Variants in ATP11A observed in about 807,000 individuals in gnomAD.
ATP11A encodes the protein ATPase phospholipid transporting 11A, also known as phospholipid-transporting ATPase IH.
Under a neutral mutation model 154.4 loss-of-function variants are expected in ATP11A, and 81 were observed. That is an observed-to-expected ratio of 0.52 (90% CI 0.44 to 0.63). The LOEUF (loss-of-function observed/expected upper bound fraction) is 0.63, where lower values mean the gene tolerates loss of function less well. Among genes scored for constraint, ATP11A ranks in the 30% least tolerant of loss-of-function variants. The probability of loss-of-function intolerance (pLI) is 0.00; values close to 1 mark genes in which losing one functional copy is unlikely to be tolerated. For missense variants in ATP11A, 1,316 were observed against 1,474.3 expected (o/e 0.89, Z 1.76); for synonymous variants, 623 against 585.9 (o/e 1.06, Z -0.91).
intron 19 of ATP11A, among the ~76,000 whole-genome samples, 170 bp downstream of exon 19, chr13:112,854,700 C>T (rs1480546267): frequency 6.6e-6 from 1 of 152,214 alleles, no homozygotes; most frequent in Non-Finnish European, 1.5e-5. Flanking sequence ...GGGAACAAAA[C>T]GGGCTGTTTT....
intron 1 of ATP11A, among the ~76,000 whole-genome samples, chr13:112,731,785 C>T (rs185560863): frequency 6.6e-6 from 1 of 152,220 alleles, no homozygotes; most frequent in East Asian, 1.9e-4. Flanking sequence ...ACATCCTATC[C>T]TTCAAAAAAT....
intron 25 of ATP11A, among the ~76,000 whole-genome samples, chr13:112,863,621 C>G (rs1228148126): frequency 5.4e-5 from 8 of 148,404 alleles, no homozygotes; most frequent in South Asian, 2.2e-4. Flanking sequence ...CCATCACCAC[C>G]TGCACAGTAA....
chr13:112,709,977 A>G (rs60488617), intron 1 of ATP11A, among the ~76,000 whole-genome samples: 9,896 of 152,334 alleles, frequency 0.065, 1,150 homozygotes, highest in African/African-American at 0.23. Flanking sequence ...GATGCTGCCC[A>G]CATCCCACAG....
intron 1 of ATP11A, among the ~76,000 whole-genome samples, chr13:112,707,460 G>A (rs889597163): frequency 1.3e-5 from 2 of 151,128 alleles, no homozygotes; most frequent in African/African-American, 4.9e-5. Context: ...CAGAGGAGAC[G>A]AGGGCCTTGA....
At position 112,854,439 on chromosome 13, in the gene ATP11A, A is replaced by G. The variant is rs1478770037; in HGVS notation, c.2152A>G (p.Ile718Val). The change falls in exon 19 of 30, where the codon ATC (isoleucine) becomes GTC (valine). Residue 718 changes from isoleucine to valine, a missense_variant. Physicochemically the swap from Ile to Val is conservative, Grantham distance 29 (BLOSUM62 3). Around this residue, in one of 5 missense-constraint regions of ATP11A, gnomAD observed 876 missense variants for 1,006.8 expected, o/e 0.87. Coordinates refer to ENST00000375645, the MANE Select transcript of ATP11A (RefSeq NM_015205.3). ...GCTGCTGGAGCTGACCACCAAGAGG[A>G]TCGAGGAGCAGAGCCTGCACGACGT... ...TQLLELTTKR[I>V]EEQSLHDVLF... 5 of 1,612,906 alleles carry G rather than the reference A, an allele frequency of 3.1e-6. No individual in the cohort carries two copies. The highest frequency in any genetic ancestry group is 4.2e-6 in the Non-Finnish European group (5 of 1,179,998).
intron 10 of ATP11A, among the ~76,000 whole-genome samples, chr13:112,825,214 C>T (rs1371008395): frequency 3.3e-5 from 5 of 152,310 alleles, no homozygotes; most frequent in South Asian, 2.1e-4. Flanking sequence ...CACTTTACCC[C>T]GTCTTGGTTC....
At chr13:112,827,091 C>T (rs1255901199) in intron 12 of ATP11A, among the ~76,000 whole-genome samples, 200 bp downstream of exon 12, 1 of 152,240 alleles carries the variant, frequency 6.6e-6, no homozygotes, top group Admixed American at 6.5e-5. Flanking sequence ...ATTACCTGCA[C>T]TTGCTGACTC....
chr13:112,809,272 ATGCCACAGT>A (rs2078417809), intron 4 of ATP11A, among the ~76,000 whole-genome samples: 1 of 152,240 alleles, frequency 6.6e-6, no homozygotes, highest in Non-Finnish European at 1.5e-5. Context: ...AAGCAATCAG[ATGCCACAGT>A]GTCACTTATT....
chr13:112,882,514 A>C lies in ATP11A; in HGVS notation c.*648A>C, dbSNP rs1297012959. ...CTGTGGGAAGGGCCGGGTCACTCGG[A>C]TACCATCATCCCTGCGGATGCACCG... On this transcript the variant is annotated 3_prime_UTR_variant, in exon 30 of 30. Coordinates refer to ENST00000375645, the MANE Select transcript of ATP11A (RefSeq NM_015205.3). This position sits in a 1 kb window ranked among gnomAD's most constrained non-coding sequence, Gnocchi z 5.1. 2.2e-6 allele frequency: 1 copy of C among 460,028 alleles called. No homozygotes were observed. Among genetic ancestry groups the C allele is most frequent in the South Asian group, 6.3e-5 (1 of 15,990 alleles). 28.5% of individuals were successfully genotyped at this position (460,028 alleles called of 1,614,324 possible).
At chr13:112,788,056 C>T (rs866640791) in intron 2 of ATP11A, among the ~76,000 whole-genome samples, 51 of 147,578 alleles carry the variant, frequency 3.5e-4, no homozygotes, top group African/African-American at 1.3e-3. Flanking sequence ...GTGTAGACCC[C>T]TGTGGATACC....
At chr13:112,828,598 T>C (rs2079009073) in intron 12 of ATP11A, among the ~76,000 whole-genome samples, 1 of 151,680 alleles carries the variant, frequency 6.6e-6, no homozygotes, top group South Asian at 2.1e-4. Flanking sequence ...CGGTGTTGAG[T>C]GCAAGGGAAA....
chr13:112,755,821 C>G (rs7987316), intron 1 of ATP11A, among the ~76,000 whole-genome samples: 7,053 of 73,418 alleles, frequency 0.096, 314 homozygotes, highest in African/African-American at 0.2. Context: ...AACCATTTCC[C>G]GTCACGGAAG....
At chr13:112,841,805 G>A (rs184866774) in intron 16 of ATP11A, among the ~76,000 whole-genome samples, 190 of 152,392 alleles carry the variant, frequency 1.2e-3, no homozygotes, top group African/African-American at 3.4e-3. Context: ...GTTACTGGAC[G>A]TGTGGGAAAA....
chr13:112,811,941 C>T (rs932929), intron 5 of ATP11A: 42,462 of 152,060 alleles, frequency 0.28, 6,099 homozygotes, highest in Middle Eastern at 0.33. Flanking sequence ...AATAGTTGTA[C>T]GTAGTTGGGG....
chr13:112,735,567 G>T (rs1341692268), intron 1 of ATP11A, among the ~76,000 whole-genome samples: 1 of 152,204 alleles, frequency 6.6e-6, no homozygotes, highest in East Asian at 1.9e-4. Flanking sequence ...AATCTGAAGC[G>T]AGAGGTTGTG....
At position 112,855,897 on chromosome 13, in the gene ATP11A, ACGTACT is replaced by A. The variant is rs765486986; in HGVS notation, c.2244-12_2244-7del. 2 of 1,596,028 alleles carry A rather than the reference ACGTACT, an allele frequency of 1.3e-6. No individual in the cohort carries two copies. The highest frequency in any genetic ancestry group is 2.2e-5 in the South Asian group (2 of 89,250). Reference sequence around the variant, plus strand: ...AGTGATTGAGCAATCTTTCTGACTCACGTACTCTAACAGACTTTCAGCAGATATGCA... The same window carrying A: ...AGTGATTGAGCAATCTTTCTGACTCACTAACAGACTTTCAGCAGATATGCA... On this transcript the variant is annotated splice_region_variant and splice_polypyrimidine_tract_variant and intron_variant, in intron 19 of 29. Transcript: ENST00000375645.
intron 1 of ATP11A, among the ~76,000 whole-genome samples, chr13:112,715,844 G>A (rs188831840): frequency 3.4e-4 from 51 of 151,700 alleles, no homozygotes; most frequent in African/African-American, 9.9e-4. Flanking sequence ...TCTGGGGGCC[G>A]GGGAAGGTGT....
intron 2 of ATP11A, among the ~76,000 whole-genome samples, chr13:112,786,571 T>C (rs113636555): frequency 4.0e-5 from 3 of 74,402 alleles, no homozygotes; most frequent in African/African-American, 1.5e-4. Context: ...TCCGTTTATC[T>C]TCACCGTCCT....
chr13:112,712,759 G>T (rs1887913659), intron 1 of ATP11A, among the ~76,000 whole-genome samples: 1 of 152,282 alleles, frequency 6.6e-6, no homozygotes, highest in Middle Eastern at 3.4e-3. Flanking sequence ...TGCCACCTCT[G>T]CCTTTTCTTA....
Sources: gnomAD v4.1 joint callset for allele counts (sites outside exome capture counted in the v4.1 genomes callset) on GRCh38, gnomAD v4.1.1 for gene constraint, gnomAD v4.1.1 regional missense constraint, Gnocchi (gnomAD v3.1) non-coding constraint, MANE v1.5 for transcripts, NCBI Gene and HGNC (gene_info 2026-07-23, HGNC 2026-07-21) for gene names.